LRRC4C: variants seen among roughly 807,000 people sequenced by gnomAD.
The protein encoded by LRRC4C is leucine-rich repeat-containing protein 4C.
A neutral mutation model predicts 33.6 loss-of-function variants in LRRC4C; 5 were observed. That is an observed-to-expected ratio of 0.15 (90% CI 0.08 to 0.31). The LOEUF (loss-of-function observed/expected upper bound fraction) is 0.31. Ranked by LOEUF, LRRC4C falls within the 10% of genes least tolerant of loss-of-function variation. The pLI is 1.00. For missense variants in LRRC4C, 560 were observed against 796.7 expected, an observed-to-expected ratio of 0.70 and a Z score of 3.58; for synonymous variants, 329 against 302.0, an observed-to-expected ratio of 1.09 and a Z score of -0.93.
intron 2 of LRRC4C, among the ~76,000 whole-genome samples, chr11:40,756,206 G>GA (rs1948936747): frequency 6.6e-6 from 1 of 152,004 alleles, no homozygotes; most frequent in Non-Finnish European, 1.5e-5. Context: ...CCAGAACTGT[G>GA]AGAAAAATAA....
intron 1 of LRRC4C, among the ~76,000 whole-genome samples, chr11:41,110,986 T>C (rs540216474): frequency 6.6e-6 from 1 of 151,566 alleles, no homozygotes; most frequent in African/African-American, 2.4e-5. Context: ...GAATTTGCAT[T>C]TCTAGGAAGT....
intron 1 of LRRC4C, among the ~76,000 whole-genome samples, chr11:41,441,490 T>G (rs2138531983): frequency 6.6e-6 from 1 of 151,852 alleles, no homozygotes; most frequent in Non-Finnish European, 1.5e-5. Context: ...CAACGCTCTT[T>G]TTTTTTTTTC....
chr11:41,378,225 T>C (rs1953013068), intron 1 of LRRC4C, among the ~76,000 whole-genome samples: 1 of 151,768 alleles, frequency 6.6e-6, no homozygotes, highest in Admixed American at 6.6e-5. Flanking sequence ...GAGAAACAGA[T>C]GCAGCATTCT....
At chr11:40,269,405 G>C (rs186353069) in intron 4 of LRRC4C, among the ~76,000 whole-genome samples, 5 of 152,240 alleles carry the variant, frequency 3.3e-5, no homozygotes, top group Admixed American at 2.0e-4. Context: ...TCCCCACTTA[G>C]AGTAACCATT....
chr11:41,051,729 G>A (rs554784781), intron 1 of LRRC4C, among the ~76,000 whole-genome samples: 13 of 151,830 alleles, frequency 8.6e-5, no homozygotes, highest in African/African-American at 2.9e-4. Context: ...TTTCTTGCCA[G>A]CCTGGGCCTC....
At chr11:40,289,950 G>A (rs902960074) in intron 4 of LRRC4C, among the ~76,000 whole-genome samples, 1 of 152,104 alleles carries the variant, frequency 6.6e-6, no homozygotes, top group African/African-American at 2.4e-5. Flanking sequence ...TAAGTGTGGA[G>A]GGCACAGGGA....
At chr11:41,367,347 G>A (rs79572403) in intron 1 of LRRC4C, among the ~76,000 whole-genome samples, 2,871 of 152,050 alleles carry the variant, frequency 0.019, 80 homozygotes, top group African/African-American at 0.065. Flanking sequence ...TAATCTCACG[G>A]CCTTCTTCTA....
At chr11:40,250,460 C>G (rs1866697632) in intron 4 of LRRC4C, among the ~76,000 whole-genome samples, 1 of 152,098 alleles carries the variant, frequency 6.6e-6, no homozygotes, top group Non-Finnish European at 1.5e-5. Flanking sequence ...TAATGATAAG[C>G]CTGGCATGGT....
intron 6 of LRRC4C, among the ~76,000 whole-genome samples, chr11:40,134,531 A>C (rs918252777): frequency 3.3e-5 from 5 of 152,206 alleles, no homozygotes; most frequent in Non-Finnish European, 5.9e-5. Context: ...ACTGGAAGGG[A>C]AAAGGACAGT....
At chr11:40,290,172 TCTTA>T (rs1944097476) in intron 4 of LRRC4C, among the ~76,000 whole-genome samples, 1 of 152,238 alleles carries the variant, frequency 6.6e-6, no homozygotes, top group African/African-American at 2.4e-5. Flanking sequence ...ATGTTTTTCC[TCTTA>T]CTTTCTTTGT....
intron 3 of LRRC4C, among the ~76,000 whole-genome samples, chr11:40,396,533 G>T (rs914436865): frequency 1.3e-5 from 2 of 152,084 alleles, no homozygotes; most frequent in Admixed American, 1.3e-4. Context: ...GAGAGTGATG[G>T]AGAGGAATTA....
chr11:41,404,507 G>GAC (rs147851356), intron 1 of LRRC4C, among the ~76,000 whole-genome samples: 64,465 of 142,020 alleles, frequency 0.45, 15,018 homozygotes, highest in South Asian at 0.6. Flanking sequence ...TATACACACA[G>GAC]ACACACACAC....
At chr11:40,219,594 A>C (rs1173381204) in intron 5 of LRRC4C, among the ~76,000 whole-genome samples, 1 of 152,198 alleles carries the variant, frequency 6.6e-6, no homozygotes. Context: ...CATGACAGGG[A>C]TGAATCTGGA....
chr11:41,297,190 A>C (rs1249138532), intron 1 of LRRC4C, among the ~76,000 whole-genome samples: 1 of 152,132 alleles, frequency 6.6e-6, no homozygotes, highest in Non-Finnish European at 1.5e-5. Context: ...CACATTGATT[A>C]ATTTGTGTAT....
intron 5 of LRRC4C, among the ~76,000 whole-genome samples, chr11:40,234,982 T>A (rs1266821566): frequency 6.6e-6 from 1 of 152,234 alleles, no homozygotes; most frequent in Non-Finnish European, 1.5e-5. Context: ...TTTCTTTGGA[T>A]ACTTTTGGAT....
At chr11:41,033,729 A>G (rs1856861314) in intron 1 of LRRC4C, among the ~76,000 whole-genome samples, 1 of 152,210 alleles carries the variant, frequency 6.6e-6, no homozygotes, top group African/African-American at 2.4e-5. Flanking sequence ...ACATCTTATC[A>G]ATCACATTAA....
intron 1 of LRRC4C, among the ~76,000 whole-genome samples, chr11:41,348,368 A>G (rs1951865292): frequency 6.8e-6 from 1 of 146,332 alleles, no homozygotes; most frequent in South Asian, 2.3e-4. Context: ...TCAGAAAGGT[A>G]AGGAGCTCTG....
rs369109626 is a variant in LRRC4C at position 40,482,565 on chromosome 11, G to T, written c.-269-162844C>A. Among the ~76,000 whole-genome samples, 60 of 152,134 alleles carry T rather than the reference G, an allele frequency of 3.9e-4. 4 individuals carry two copies. The South Asian group carries it at 1.0e-2, about 25-fold the overall frequency. On this transcript the variant is annotated intron_variant, in intron 3 of 6. Coordinates refer to ENST00000528697, the MANE Select transcript of LRRC4C (RefSeq NM_001258419.2). The stretch of plus-strand genomic sequence containing the variant: ...CTCACTGCAACCTCTGCCTCCCGGG[G>T]CTCAAGTGATTCTCTCACCTCAGCC...
chr11:40,504,812 C>T (rs1397035847), intron 3 of LRRC4C, among the ~76,000 whole-genome samples: 5 of 152,138 alleles, frequency 3.3e-5, no homozygotes, highest in African/African-American at 4.8e-5. Flanking sequence ...CTGTCTCTTT[C>T]CCTGGACAAA....
Sources: allele counts gnomAD v4.1 joint callset (sites outside exome capture counted in the v4.1 genomes callset), GRCh38; gene constraint gnomAD v4.1.1; transcripts MANE v1.5; gene names NCBI Gene and HGNC (gene_info 2026-07-23, HGNC 2026-07-21).